The following ANLN variants were observed in gnomAD, a reference collection of about 807,000 sequenced individuals.
ANLN encodes the protein anillin.
Under a neutral mutation model 135.1 loss-of-function variants are expected in ANLN, and 59 were observed. The observed-to-expected ratio is 0.44, with a 90% CI of 0.35 to 0.54. The LOEUF (loss-of-function observed/expected upper bound fraction) is 0.54. Among genes scored for constraint, ANLN ranks in the 20% least tolerant of loss-of-function variants. The pLI is 0.00. For missense variants in ANLN, 1,182 were observed against 1,340.0 expected (o/e 0.88, Z 1.84); for synonymous variants, 406 against 456.4 (o/e 0.89, Z 1.41).
At chr7:36,440,248 T>G (rs1035244347) in intron 21 of ANLN, among the ~76,000 whole-genome samples, 6 of 151,900 alleles carry the variant, frequency 3.9e-5, no homozygotes, top group African/African-American at 1.2e-4. Flanking sequence ...AAAGGACGGA[T>G]GGAAGGAGGG....
intron 1 of ANLN, 158 bp downstream of exon 1, chr7:36,390,202 G>T: frequency 1.6e-6 from 2 of 1,231,124 alleles, no homozygotes; most frequent in South Asian, 2.7e-5. Flanking sequence ...GCTGCGGCCT[G>T]CTGTGGTTGG....
At chr7:36,446,227 T>C (rs1788992363) in intron 22 of ANLN, among the ~76,000 whole-genome samples, 1 of 152,220 alleles carries the variant, frequency 6.6e-6, no homozygotes, top group African/African-American at 2.4e-5. Context: ...ACTATCCTTA[T>C]CCTGGAGTCA....
intron 8 of ANLN, among the ~76,000 whole-genome samples, chr7:36,416,733 G>A: frequency 6.6e-6 from 1 of 151,312 alleles, no homozygotes; most frequent in Non-Finnish European, 1.5e-5. Context: ...ACAATAACCT[G>A]GTAATATTGC....
chr7:36,397,165 A>G (rs956934592), intron 2 of ANLN, among the ~76,000 whole-genome samples: 5 of 132,550 alleles, frequency 3.8e-5, no homozygotes, highest in African/African-American at 1.3e-4. Context: ...AAAAAAAAAG[A>G]AAGCAGAGAA....
intron 20 of ANLN, among the ~76,000 whole-genome samples, chr7:36,436,114 C>T (rs557204627): frequency 1.3e-5 from 2 of 152,106 alleles, no homozygotes; most frequent in South Asian, 2.1e-4. Context: ...GCAGTCTTTG[C>T]CCATCTTCCC....
At chr7:36,408,647 C>T (rs1043436226) in intron 5 of ANLN, among the ~76,000 whole-genome samples, 6 of 152,160 alleles carry the variant, frequency 3.9e-5, no homozygotes, top group Non-Finnish European at 8.8e-5. Flanking sequence ...AGTCACCCTA[C>T]TGATCTATCA....
At chr7:36,405,319 CAG>C (rs1356340948) in intron 3 of ANLN, among the ~76,000 whole-genome samples, 1 of 152,188 alleles carries the variant, frequency 6.6e-6, no homozygotes, top group African/African-American at 2.4e-5. Flanking sequence ...ATGCATTTCT[CAG>C]AATGTATCCC....
chr7:36,422,285 C>T (rs778816865), intron 13 of ANLN, among the ~76,000 whole-genome samples: 9 of 39,970 alleles, frequency 2.3e-4, no homozygotes, highest in Non-Finnish European at 4.6e-4. Context: ...CACATACATT[C>T]TCTCTCTCTC....
intron 5 of ANLN, 109 bp from the exon 6 acceptor site, chr7:36,410,405 A>G: frequency 3.1e-6 from 3 of 957,632 alleles, no homozygotes; most frequent in Non-Finnish European, 1.5e-6. Flanking sequence ...AATATTCCTG[A>G]TAGAATCAAA....
intron 4 of ANLN, 98 bp downstream of exon 4, chr7:36,406,664 A>T (rs1788992402): frequency 9.3e-7 from 1 of 1,080,110 alleles, no homozygotes; most frequent in Admixed American, 2.7e-5. Context: ...GGGTGGATAT[A>T]TGTTTTATAA....
At position 36,452,716 on chromosome 7, in the gene ANLN, A is replaced by G. The variant is rs1583669933; in HGVS notation, c.*116A>G. On this transcript the variant is annotated 3_prime_UTR_variant, in exon 24 of 24. Transcript: ENST00000265748. Reference sequence around the variant, plus strand: ...TTTAAGTACGAAAGGGTTTGTGCCAATATTCACTACGTATTATGCAGTATT... The same window carrying G: ...TTTAAGTACGAAAGGGTTTGTGCCAGTATTCACTACGTATTATGCAGTATT... 2 of 1,211,988 alleles carry G rather than the reference A, an allele frequency of 1.7e-6. No homozygotes were observed. The highest frequency in any genetic ancestry group is 1.2e-6 in the Non-Finnish European group (1 of 855,478). The allele number at this position is 1,211,988 out of a possible 1,614,324, so 75.1% of individuals were successfully genotyped here. A position where few individuals can be genotyped will look rare whatever the true frequency, so the allele number is the denominator to read the frequency against.
intron 20 of ANLN, among the ~76,000 whole-genome samples, chr7:36,436,028 A>T (rs1386673905): frequency 1.3e-5 from 2 of 152,154 alleles, no homozygotes; most frequent in South Asian, 4.1e-4. Context: ...TAGTACATTC[A>T]CAATGTTGTT....
chr7:36,401,613 A>C lies in ANLN; in HGVS notation c.487+2220A>C, dbSNP rs980478672. Among the ~76,000 whole-genome samples the C allele has an allele frequency of 2.0e-4, 25 of 122,656 alleles. 6 individuals are homozygous for C. Among genetic ancestry groups the C allele is most frequent in the African/African-American group, 8.1e-4 (24 of 29,666 alleles). The allele number at this position is 122,656 out of a possible 152,430, so 80.5% of individuals were successfully genotyped here. ...CGCGGCCTCCCAAAGTGCTGGGATTATAGACGTGAGCCACCTCGGCAGGCC... is the reference window on the plus strand; with the variant it reads ...CGCGGCCTCCCAAAGTGCTGGGATTCTAGACGTGAGCCACCTCGGCAGGCC... On this transcript the variant is annotated intron_variant, in intron 3 of 23. Coordinates refer to ENST00000265748, the MANE Select transcript of ANLN (RefSeq NM_018685.5).
chr7:36,389,917 C>A lies in ANLN; in HGVS notation c.-110C>A. The A allele has an allele frequency of 6.3e-7, 1 of 1,597,296 alleles. No homozygotes were observed. Reference sequence around the variant, plus strand: ...ACAGCTGGTTGTGGGAGAGTTCCCCCGCCTCAGACTCCTGGTTTTTTCCAG... The same window carrying A: ...ACAGCTGGTTGTGGGAGAGTTCCCCAGCCTCAGACTCCTGGTTTTTTCCAG... On this transcript the variant is annotated 5_prime_UTR_variant, in exon 1 of 24. Coordinates refer to ENST00000265748, the MANE Select transcript of ANLN (RefSeq NM_018685.5).
At chr7:36,391,871 A>G (rs906490662) in intron 1 of ANLN, among the ~76,000 whole-genome samples, 4 of 152,058 alleles carry the variant, frequency 2.6e-5, no homozygotes, top group African/African-American at 4.8e-5. Flanking sequence ...AATCATGGTA[A>G]ACTCTCTTTT....
intron 20 of ANLN, among the ~76,000 whole-genome samples, chr7:36,434,401 C>T (rs1169571076): frequency 1.3e-5 from 2 of 152,200 alleles, no homozygotes; most frequent in African/African-American, 4.8e-5. Flanking sequence ...GGAGAGCTAG[C>T]TCTGCCTCTG....
intron 20 of ANLN, among the ~76,000 whole-genome samples, chr7:36,428,155 A>G (rs921118306): frequency 2.0e-5 from 3 of 152,218 alleles, no homozygotes; most frequent in African/African-American, 7.2e-5. Flanking sequence ...AGCAGACTGT[A>G]TTTGAAGTTT....
intron 20 of ANLN, among the ~76,000 whole-genome samples, chr7:36,428,845 C>T (rs1010717082): frequency 3.6e-5 from 5 of 140,488 alleles, no homozygotes; most frequent in Non-Finnish European, 7.5e-5. Flanking sequence ...GTGGCGTGAT[C>T]GTGGCTCACT....
rs898347323 is a variant in ANLN, at chr7:36,426,788, G to A, written c.2771-128G>A. Reference sequence around the variant, plus strand: ...TTTTCCCCCCACATTTAAAGATGAAGGAAAATGAGGCAGTTTTTTTTTCTC... The same window carrying A: ...TTTTCCCCCCACATTTAAAGATGAAAGAAAATGAGGCAGTTTTTTTTTCTC... On this transcript the variant is annotated intron_variant, in intron 19 of 23. Coordinates refer to ENST00000265748, the MANE Select transcript of ANLN (RefSeq NM_018685.5). The A allele has an allele frequency of 2.5e-5, 12 of 484,112 alleles. No individual in the cohort carries two copies. The Admixed American group carries it at 4.4e-4, about 18-fold the overall frequency. 30.0% of individuals were successfully genotyped at this position (484,112 alleles called of 1,614,324 possible). A position where few individuals can be genotyped will look rare whatever the true frequency, so the allele number is the denominator to read the frequency against.
Sources: gnomAD v4.1 joint callset for allele counts (sites outside exome capture counted in the v4.1 genomes callset) on GRCh38, gnomAD v4.1.1 for gene constraint, MANE v1.5 for transcripts, NCBI Gene and HGNC (gene_info 2026-07-23, HGNC 2026-07-21) for gene names.